Variants in MAGI2 observed in about 807,000 individuals in gnomAD.
The protein encoded by MAGI2 is membrane-associated guanylate kinase, WW and PDZ domain-containing protein 2.
Under a neutral mutation model 133.3 loss-of-function variants are expected in MAGI2, and 35 were observed. That is an observed-to-expected ratio of 0.26 (90% CI 0.20 to 0.35). The LOEUF is 0.35. MAGI2 is among the 10% of genes least tolerant of loss of function. The pLI, the probability that MAGI2 is intolerant of heterozygous loss-of-function variation, is 1.00. For missense variants in MAGI2, 1,636 were observed against 1,863.4 expected (o/e 0.88, Z 2.25); for synonymous variants, 729 against 710.6 (o/e 1.03, Z -0.41).
At chr7:78,320,249 G>A (rs938580249) in intron 9 of MAGI2, among the ~76,000 whole-genome samples, 1 of 152,088 alleles carries the variant, frequency 6.6e-6, no homozygotes, top group Non-Finnish European at 1.5e-5. Context: ...GAAAAAGAAG[G>A]AATCCTTCTT....
intron 1 of MAGI2, chr7:79,412,578 A>AGCTCCCTTT (rs980769704): frequency 6.6e-6 from 1 of 152,064 alleles, no homozygotes; most frequent in African/African-American, 2.4e-5. Flanking sequence ...TCCTCCTTGA[A>AGCTCCCTTT]GCTCCCTTTC....
chr7:78,695,231 A>G (rs59536455), intron 2 of MAGI2, among the ~76,000 whole-genome samples: 11,519 of 149,122 alleles, frequency 0.077, 923 homozygotes, highest in African/African-American at 0.19. Flanking sequence ...TCTCAAAAAA[A>G]TAATAAAGTA....
At chr7:79,356,483 AG>A (rs1442998332) in intron 1 of MAGI2, among the ~76,000 whole-genome samples, 1 of 152,194 alleles carries the variant, frequency 6.6e-6, no homozygotes, top group African/African-American at 2.4e-5. Flanking sequence ...AAGCAAAAAA[AG>A]TTTCCAAATG....
intron 2 of MAGI2, among the ~76,000 whole-genome samples, chr7:78,645,108 G>A (rs1810722150): frequency 6.6e-6 from 1 of 151,012 alleles, no homozygotes; most frequent in Non-Finnish European, 1.5e-5. Flanking sequence ...GTATATGTGT[G>A]TGCGTGTGTG....
In MAGI2 at chr7:78,677,472, A is replaced by G. The variant is rs181433428; in HGVS notation, c.419-50233T>C. On this transcript the variant is annotated intron_variant, in intron 2 of 21. Transcript: ENST00000354212. ...TTTTAAAATGAAACATCATTTTATA[A>G]GAATGGTACTTAAAGTTTAAATGAG... is the stretch of plus-strand genomic sequence containing the variant. Among the ~76,000 whole-genome samples the G allele has an allele frequency of 3.9e-5, 6 of 152,102 alleles. No homozygotes were observed. In the East Asian group the frequency reaches 1.2e-3, roughly 29 times the overall value.
chr7:78,034,359 T>G (rs1809937918), intron 21 of MAGI2, among the ~76,000 whole-genome samples: 1 of 152,024 alleles, frequency 6.6e-6, no homozygotes, highest in Admixed American at 6.6e-5. Context: ...GAGGAAATGG[T>G]CATTAGGTGA....
chr7:79,069,170 C>T (rs1384588458), intron 1 of MAGI2, among the ~76,000 whole-genome samples: 3 of 152,034 alleles, frequency 2.0e-5, no homozygotes, highest in South Asian at 2.1e-4. Flanking sequence ...TTTTCTGTCT[C>T]GTTGACCTGT....
intron 3 of MAGI2, among the ~76,000 whole-genome samples, chr7:78,585,814 G>A (rs188349028): frequency 1.4e-4 from 21 of 152,204 alleles, no homozygotes; most frequent in Non-Finnish European, 2.2e-4. Flanking sequence ...GAGAGGGTGG[G>A]GTTACTTTAC....
chr7:79,220,259 C>T (rs898948862), intron 1 of MAGI2, among the ~76,000 whole-genome samples: 1 of 151,958 alleles, frequency 6.6e-6, no homozygotes, highest in Non-Finnish European at 1.5e-5. Context: ...GCAATCACTG[C>T]CTCAGTTGAT....
intron 21 of MAGI2, among the ~76,000 whole-genome samples, chr7:78,036,121 T>C (rs1203285898): frequency 6.6e-6 from 1 of 152,122 alleles, no homozygotes; most frequent in Non-Finnish European, 1.5e-5. Flanking sequence ...TGAGGTGGAT[T>C]ACCTATTGAA....
chr7:78,588,355 TA>T (rs1803636655), intron 3 of MAGI2, among the ~76,000 whole-genome samples: 1 of 152,212 alleles, frequency 6.6e-6, no homozygotes, highest in South Asian at 2.1e-4. Flanking sequence ...GACAATTTAA[TA>T]TAATTAATAA....
At chr7:78,179,237 C>T (rs1007815928) in intron 13 of MAGI2, among the ~76,000 whole-genome samples, 11 of 152,308 alleles carry the variant, frequency 7.2e-5, no homozygotes, top group African/African-American at 2.4e-4. Context: ...GTAAAATTCC[C>T]CTTGCTTAAA....
chr7:79,171,770 A>ATATATATATGTATATATATATATATTTT, intron 1 of MAGI2, among the ~76,000 whole-genome samples: 1 of 31,204 alleles, frequency 3.2e-5, no homozygotes. Context: ...ATATATATAT[A>ATATATATATGTATATATATATATATTTT]TTTTTTTTTT....
intron 2 of MAGI2, among the ~76,000 whole-genome samples, chr7:78,877,898 C>T (rs959092556): frequency 6.6e-6 from 1 of 152,146 alleles, no homozygotes; most frequent in African/African-American, 2.4e-5. Flanking sequence ...TTGATTAAAA[C>T]ATTTAGTGAA....
chr7:78,334,275 G>C (rs766792381), intron 9 of MAGI2, among the ~76,000 whole-genome samples: 1 of 152,210 alleles, frequency 6.6e-6, no homozygotes, highest in Non-Finnish European at 1.5e-5. Context: ...AAGAGAGGCA[G>C]TAACTACTCA....
chr7:79,205,646 T>TA (rs372269822), intron 1 of MAGI2, among the ~76,000 whole-genome samples: 1 of 150,948 alleles, frequency 6.6e-6, no homozygotes, highest in African/African-American at 2.4e-5. Flanking sequence ...ACAAAACTAT[T>TA]AAAAAAAAGA....
At chr7:79,403,312 CAT>C (rs1845593730) in intron 1 of MAGI2, among the ~76,000 whole-genome samples, 1 of 152,070 alleles carries the variant, frequency 6.6e-6, no homozygotes, top group Non-Finnish European at 1.5e-5. Context: ...AGATTTAGTG[CAT>C]GTTTTCTTCG....
At chr7:79,382,056 C>T (rs1438640939) in intron 1 of MAGI2, among the ~76,000 whole-genome samples, 1 of 151,532 alleles carries the variant, frequency 6.6e-6, no homozygotes, top group Non-Finnish European at 1.5e-5. Context: ...TTCTTTTATT[C>T]CACCCTCTGT....
chr7:78,424,556 C>T (rs747304409), intron 6 of MAGI2, among the ~76,000 whole-genome samples: 9 of 152,072 alleles, frequency 5.9e-5, no homozygotes, highest in South Asian at 4.1e-4. Context: ...AAACTTGCAC[C>T]GTGTGCCTGG....
Sources: gnomAD v4.1 joint callset for allele counts (sites outside exome capture counted in the v4.1 genomes callset) on GRCh38, gnomAD v4.1.1 for gene constraint, MANE v1.5 for transcripts, NCBI Gene and HGNC (gene_info 2026-07-23, HGNC 2026-07-21) for gene names.